SBF2: variants seen among roughly 807,000 people sequenced by gnomAD.
SBF2 encodes SET binding factor 2.
Under a neutral mutation model 225.2 loss-of-function variants are expected in SBF2, and 112 were observed. That is an observed-to-expected ratio of 0.50 (90% CI 0.43 to 0.58). The LOEUF (loss-of-function observed/expected upper bound fraction) is 0.58, where lower values mean the gene tolerates loss of function less well. Among genes scored for constraint, SBF2 ranks in the 20% least tolerant of loss-of-function variants. The pLI is 0.00. For synonymous variants in SBF2, 763 were observed against 773.3 expected (o/e 0.99, Z 0.22); for missense variants, 1,996 against 2,206.2 (o/e 0.90, Z 1.91).
chr11:10,258,034 A>C (rs894948728), intron 1 of SBF2, among the ~76,000 whole-genome samples: 2 of 151,920 alleles, frequency 1.3e-5, no homozygotes, highest in African/African-American at 4.8e-5. Flanking sequence ...AATTTTTAAC[A>C]TGCCAATCCA....
rs34470719 is a variant in SBF2, at chr11:10,217,325, T to TG, written c.56-23339dup. Reference sequence around the variant, plus strand: ...AGGTCTTATTTTGAGGAAGTAGGACTGAGTGTGCAAGATTATTTCTTTTTT... The same window carrying TG: ...AGGTCTTATTTTGAGGAAGTAGGACTGGAGTGTGCAAGATTATTTCTTTTTT... On this transcript the variant is annotated intron_variant, in intron 1 of 39. Coordinates refer to ENST00000256190, the MANE Select transcript of SBF2 (RefSeq NM_030962.4). 2.0e-4 allele frequency among the ~76,000 whole-genome samples: 31 copies of TG among 152,348 alleles called. No individual in the cohort carries two copies. In the South Asian group the frequency reaches 5.6e-3, roughly 27 times the overall value.
intron 16 of SBF2, among the ~76,000 whole-genome samples, chr11:9,938,838 T>C (rs947442672): frequency 1.3e-5 from 2 of 151,954 alleles, no homozygotes; most frequent in African/African-American, 4.8e-5. Flanking sequence ...ATAGAGGTTA[T>C]TAAAAAAAAG....
intron 1 of SBF2, among the ~76,000 whole-genome samples, chr11:10,302,296 C>T (rs1412669416): frequency 2.0e-5 from 3 of 152,114 alleles, no homozygotes; most frequent in African/African-American, 4.8e-5. Context: ...TATCTTTTTT[C>T]GACTTAAACC....
At chr11:9,871,162 A>G (rs1305329719) in intron 17 of SBF2, among the ~76,000 whole-genome samples, 4 of 152,094 alleles carry the variant, frequency 2.6e-5, no homozygotes, top group Non-Finnish European at 4.4e-5. Context: ...TAATTAAACT[A>G]AAGAGCTTCT....
chr11:9,811,149 A>G (rs940629601), intron 30 of SBF2: 4 of 152,204 alleles, frequency 2.6e-5, no homozygotes, highest in African/African-American at 9.7e-5. Context: ...TTGAGTACAC[A>G]TGGACACAAA....
chr11:10,158,871 C>A (rs1244810195), intron 2 of SBF2, among the ~76,000 whole-genome samples: 1 of 152,122 alleles, frequency 6.6e-6, no homozygotes, highest in East Asian at 1.9e-4. Context: ...ATTTAGTATA[C>A]CACATTAACA....
chr11:10,254,818 T>C (rs1960706910), intron 1 of SBF2, among the ~76,000 whole-genome samples: 1 of 134,398 alleles, frequency 7.4e-6, no homozygotes. Flanking sequence ...GCAGAACAGC[T>C]TGAACCCAAG....
chr11:9,853,611 A>C lies in SBF2; in HGVS notation c.2465T>G (p.Phe822Cys), dbSNP rs1857116059. ...ACTCTCTGTACAAACTTTGTCAATA[A>C]ATCGGGTAATGAACCGCACAACAGA... ...ANSVVRFITR[F>C]IDKVCTESGV... The change falls in exon 20 of 40, where the codon TTT becomes TGT. Residue 822 changes from phenylalanine (F) to cysteine (C), a missense_variant. Coordinates refer to ENST00000256190, the MANE Select transcript of SBF2 (RefSeq NM_030962.4). 4 of 1,613,872 alleles carry C rather than the reference A, an allele frequency of 2.5e-6. No individual in the cohort carries two copies. The highest frequency in any genetic ancestry group is 2.2e-5 in the South Asian group (2 of 91,056).
chr11:9,878,299 T>C (rs1218554692), intron 17 of SBF2, among the ~76,000 whole-genome samples: 1 of 152,228 alleles, frequency 6.6e-6, no homozygotes, highest in Non-Finnish European at 1.5e-5. Context: ...ATTAGTCCTT[T>C]GTCAGATGAG....
intron 16 of SBF2, among the ~76,000 whole-genome samples, chr11:9,922,742 GT>G (rs1424040006): frequency 6.6e-6 from 1 of 152,028 alleles, no homozygotes; most frequent in African/African-American, 2.4e-5. Flanking sequence ...GAATGAGCTC[GT>G]TTTTTTCTCT....
intron 16 of SBF2, among the ~76,000 whole-genome samples, chr11:9,915,321 C>T (rs1351879136): frequency 2.0e-5 from 3 of 151,888 alleles, no homozygotes; most frequent in Admixed American, 6.6e-5. Context: ...GTGGCACGTG[C>T]CTGTAGTCCC....
intron 17 of SBF2, among the ~76,000 whole-genome samples, chr11:9,858,875 G>A (rs1857509891): frequency 6.6e-6 from 1 of 152,266 alleles, no homozygotes; most frequent in East Asian, 1.9e-4. Context: ...GCATGAATTA[G>A]GGACTCAGGA....
rs771436343 is a variant in SBF2, at chr11:9,809,002, G to C, written c.4156C>G (p.Leu1386Val). ...ACAGCCAGCTGCATTATCCTGTGAAGCTAAGAGACAGGAAGGAGAACACAA... is the reference window on the plus strand; with the variant it reads ...ACAGCCAGCTGCATTATCCTGTGAACCTAAGAGACAGGAAGGAGAACACAA... ...ALGDSEWFPQ[L>V]HRIMQLAVVV... is the part of the protein sequence containing the mutation. Residue 1386 changes from leucine to valine, a missense_variant and splice_region_variant, in exon 31 of 40, where the codon CTT (leucine) becomes GTT (valine). Leu to Val is a conservative substitution (Grantham distance 32). Transcript: ENST00000256190. The C allele has an allele frequency of 4.5e-5, 72 of 1,611,058 alleles. No homozygotes were observed. Among genetic ancestry groups the C allele is most frequent in the Non-Finnish European group, 5.9e-5 (70 of 1,177,348 alleles).
chr11:9,815,649 C>G (rs1250422444), intron 29 of SBF2, among the ~76,000 whole-genome samples: 3 of 152,044 alleles, frequency 2.0e-5, no homozygotes, highest in African/African-American at 7.2e-5. Context: ...AGCTAAACCT[C>G]GGAGAGTGAT....
At chr11:10,258,109 C>CACACACTT (rs1555098198) in intron 1 of SBF2, among the ~76,000 whole-genome samples, 4 of 133,510 alleles carry the variant, frequency 3.0e-5, no homozygotes, top group Admixed American at 7.5e-5. Context: ...CACACACACA[C>CACACACTT]TTTTTTTTTT....
At chr11:10,009,090 G>A (rs936269131) in intron 6 of SBF2, among the ~76,000 whole-genome samples, 5 of 152,144 alleles carry the variant, frequency 3.3e-5, no homozygotes, top group African/African-American at 1.2e-4. Flanking sequence ...AGGCTCCAGG[G>A]CAGACATCCC....
At chr11:10,063,958 G>A (rs1950546781) in intron 2 of SBF2, among the ~76,000 whole-genome samples, 1 of 151,948 alleles carries the variant, frequency 6.6e-6, no homozygotes, top group East Asian at 1.9e-4. Flanking sequence ...TAAGGCGTCG[G>A]GGGGAGCAAA....
intron 1 of SBF2, among the ~76,000 whole-genome samples, chr11:10,233,364 T>G (rs1958933401): frequency 6.6e-6 from 1 of 152,084 alleles, no homozygotes; most frequent in African/African-American, 2.4e-5. Flanking sequence ...TGTCTTAAAG[T>G]ACAAGAACTG....
intron 12 of SBF2, 119 bp from the exon 13 acceptor site, chr11:9,989,714 CAA>C (rs1947345330): frequency 1.5e-6 from 1 of 649,912 alleles, no homozygotes. Context: ...ATTTTTAAAA[CAA>C]AATATTTCAG....
Sources: gnomAD v4.1 joint callset for allele counts (sites outside exome capture counted in the v4.1 genomes callset) on GRCh38, gnomAD v4.1.1 for gene constraint, MANE v1.5 for transcripts, NCBI Gene and HGNC (gene_info 2026-07-23, HGNC 2026-07-21) for gene names.